The following RNF144A variants were observed in gnomAD, a reference collection of about 807,000 sequenced individuals.
RNF144A encodes ring finger protein 144A.
Under a neutral mutation model 38.7 loss-of-function variants are expected in RNF144A, and 11 were observed. The observed-to-expected ratio is 0.28, with a 90% CI of 0.18 to 0.47. The LOEUF is 0.47. Ranked by LOEUF, RNF144A falls within the 20% of genes least tolerant of loss-of-function variation. The probability of loss-of-function intolerance (pLI) is 0.99; values close to 1 mark genes in which losing one functional copy is unlikely to be tolerated. For missense variants in RNF144A, 316 were observed against 377.2 expected, an observed-to-expected ratio of 0.84 and a Z score of 1.34; for synonymous variants, 149 against 143.9, an observed-to-expected ratio of 1.04 and a Z score of -0.25.
At chr2:6,970,549 T>G (rs1380769248) in intron 2 of RNF144A, among the ~76,000 whole-genome samples, 1 of 152,234 alleles carries the variant, frequency 6.6e-6, no homozygotes, top group Non-Finnish European at 1.5e-5. Flanking sequence ...ATCAGGTATA[T>G]GCAACTACTT....
chr2:7,028,059 C>T (rs548778599), intron 7 of RNF144A, among the ~76,000 whole-genome samples: 5 of 152,152 alleles, frequency 3.3e-5, no homozygotes, highest in Admixed American at 1.3e-4. Context: ...AGGCACGATC[C>T]GGACACATTG....
intron 3 of RNF144A, among the ~76,000 whole-genome samples, chr2:7,004,297 G>A (rs548126728): frequency 1.3e-5 from 2 of 152,352 alleles, no homozygotes. Context: ...CTGTCCATAA[G>A]TGGGGAAAGA....
Position 7,040,259 on chromosome 2 carries a change from T to C in RNF144A, c.*499T>C. Reference sequence around the variant, plus strand: ...AAATCCTTTTTAGAAGGTATTTTTTTTCCAACTGAGTAGTGAAAATCAACA... The same window carrying C: ...AAATCCTTTTTAGAAGGTATTTTTTCTCCAACTGAGTAGTGAAAATCAACA... On this transcript the variant is annotated 3_prime_UTR_variant, in exon 9 of 9. Transcript: ENST00000320892. 1.0e-6 allele frequency: 1 copy of C among 985,812 alleles called. No homozygotes were observed. The highest frequency in any genetic ancestry group is 1.2e-6 in the Non-Finnish European group (1 of 830,190). The allele number at this position is 985,812 out of a possible 1,614,324, so 61.1% of individuals were successfully genotyped here.
At chr2:7,031,515 G>A (rs1352502296) in intron 8 of RNF144A, among the ~76,000 whole-genome samples, 1 of 152,230 alleles carries the variant, frequency 6.6e-6, no homozygotes, top group African/African-American at 2.4e-5. Context: ...TGCTGGGTGA[G>A]TGGGAAGCTG....
At chr2:6,922,261 A>G (rs1440592920) in intron 1 of RNF144A, among the ~76,000 whole-genome samples, 1 of 56,594 alleles carries the variant, frequency 1.8e-5, no homozygotes, top group African/African-American at 5.0e-5. Context: ...ACTAGACATT[A>G]GCCCCGTGCA....
At chr2:6,990,587 A>C (rs1185978194) in intron 2 of RNF144A, among the ~76,000 whole-genome samples, 1 of 149,898 alleles carries the variant, frequency 6.7e-6, no homozygotes, top group Non-Finnish European at 1.5e-5. Flanking sequence ...ACACACACAC[A>C]CACACACACA....
chr2:7,024,000 G>A (rs1483242288), intron 6 of RNF144A, among the ~76,000 whole-genome samples: 1 of 152,174 alleles, frequency 6.6e-6, no homozygotes, highest in Non-Finnish European at 1.5e-5. Context: ...TTGGAAAGTA[G>A]ACAGCTCTGT....
intron 5 of RNF144A, 91 bp downstream of exon 5, chr2:7,014,863 A>G (rs1671040558): frequency 7.8e-6 from 7 of 894,352 alleles, no homozygotes; most frequent in South Asian, 6.9e-5. Context: ...ATATGGTTAT[A>G]CAGCATTTGA....
intron 7 of RNF144A, among the ~76,000 whole-genome samples, chr2:7,028,718 G>A (rs551493338): frequency 3.9e-5 from 6 of 152,326 alleles, no homozygotes; most frequent in South Asian, 2.1e-4. Flanking sequence ...AGTTCAAGGA[G>A]GAGAGAGCTC....
intron 2 of RNF144A, among the ~76,000 whole-genome samples, chr2:6,967,458 C>T (rs112000890): frequency 9.2e-5 from 14 of 152,294 alleles, no homozygotes; most frequent in African/African-American, 3.1e-4. Context: ...ACCCTTGCCC[C>T]TTTCTGCATG....
chr2:6,970,413 C>T (rs1667936901), intron 2 of RNF144A, among the ~76,000 whole-genome samples: 1 of 152,206 alleles, frequency 6.6e-6, no homozygotes, highest in South Asian at 2.1e-4. Context: ...GATTGCGAAG[C>T]CTCCCCAGCC....
At position 7,020,633 on chromosome 2, in the gene RNF144A, G is replaced by C. The variant is rs926328752; in HGVS notation, c.462G>C (p.Gln154His). Residue 154 changes from glutamine to histidine, a missense_variant, in exon 6 of 9, where the codon CAG becomes CAC. Coordinates refer to ENST00000320892, the MANE Select transcript of RNF144A (RefSeq NM_014746.6). ...STCKASWHPG[Q>H]GCPETMPITF... The stretch of plus-strand genomic sequence containing the variant: ...GCAAAGCCAGCTGGCACCCTGGCCA[G>C]GGCTGCCCGGAGACCATGCCGATCA... The C allele has an allele frequency of 7.5e-6, 12 of 1,608,016 alleles. No homozygotes were observed. In the Admixed American group the frequency reaches 8.3e-5, roughly 11 times the overall value.
chr2:7,007,403 C>T (rs150750962), intron 3 of RNF144A, among the ~76,000 whole-genome samples: 5 of 152,312 alleles, frequency 3.3e-5, no homozygotes, highest in East Asian at 1.9e-4. Context: ...AGTATTTGCA[C>T]GCCTACTCAC....
At chr2:7,058,634 A>T (rs1673834516) in intron 6 of RNF144A, among the ~76,000 whole-genome samples, 1 of 152,208 alleles carries the variant, frequency 6.6e-6, no homozygotes, top group Admixed American at 6.5e-5. Context: ...CATCTAAAAG[A>T]GTTAACAATT....
At chr2:7,064,887 G>C (rs1674137759) in intron 6 of RNF144A, among the ~76,000 whole-genome samples, 1 of 152,238 alleles carries the variant, frequency 6.6e-6, no homozygotes, top group Admixed American at 6.5e-5. Context: ...GAGGTGGCCA[G>C]GTAGGCAGAA....
chr2:6,956,222 C>A (rs557100466), intron 2 of RNF144A, among the ~76,000 whole-genome samples: 3 of 150,224 alleles, frequency 2.0e-5, no homozygotes, highest in African/African-American at 7.4e-5. Flanking sequence ...CTAGCAAATT[C>A]TTTTCTTGTT....
At chr2:6,973,573 G>A (rs1395696114) in intron 2 of RNF144A, among the ~76,000 whole-genome samples, 1 of 152,252 alleles carries the variant, frequency 6.6e-6, no homozygotes, top group Non-Finnish European at 1.5e-5. Flanking sequence ...AGATAGGCCA[G>A]TGAGGATGAG....
At position 7,039,995 on chromosome 2, in the gene RNF144A, C is replaced by A; in HGVS notation, c.*235C>A. 7.7e-7 allele frequency: 1 copy of A among 1,301,632 alleles called. No individual in the cohort carries two copies. The highest frequency in any genetic ancestry group is 9.8e-7 in the Non-Finnish European group (1 of 1,021,046). The allele number at this position is 1,301,632 out of a possible 1,614,324, so 80.6% of individuals were successfully genotyped here. On this transcript the variant is annotated 3_prime_UTR_variant, in exon 9 of 9. Transcript: ENST00000320892. ...GTAGCGCACATCCCCACAGATCAATCTCTGCAGATGACAGGGAGGTGCTGT... is the reference window on the plus strand; with the variant it reads ...GTAGCGCACATCCCCACAGATCAATATCTGCAGATGACAGGGAGGTGCTGT...
At chr2:6,975,505 G>A (rs1482085737) in intron 2 of RNF144A, among the ~76,000 whole-genome samples, 1 of 152,212 alleles carries the variant, frequency 6.6e-6, no homozygotes, top group Non-Finnish European at 1.5e-5. Context: ...TCCTCGCCAT[G>A]TTAAGTAACT....
Sources: gnomAD v4.1 joint callset for allele counts (sites outside exome capture counted in the v4.1 genomes callset) on GRCh38, gnomAD v4.1.1 for gene constraint, MANE v1.5 for transcripts, NCBI Gene and HGNC (gene_info 2026-07-23, HGNC 2026-07-21) for gene names.